IL36B: variants seen among roughly 807,000 people sequenced by gnomAD.
IL36B encodes the protein interleukin 36 beta, also known as interleukin-36 beta.
IL36B carries 23 observed loss-of-function variants against 19.3 expected under a neutral mutation model. The observed-to-expected ratio is 1.19, with a 90% CI of 0.86 to 1.69. The LOEUF (loss-of-function observed/expected upper bound fraction) is 1.69. Among genes scored for constraint, IL36B ranks in the 40% most tolerant of loss-of-function variants. The probability of loss-of-function intolerance (pLI) is 0.00; values close to 1 mark genes in which losing one functional copy is unlikely to be tolerated. For synonymous variants in IL36B, 59 were observed against 59.7 expected, an observed-to-expected ratio of 0.99 and a Z score of 0.05; for missense variants, 217 against 200.5, an observed-to-expected ratio of 1.08 and a Z score of -0.50.
In IL36B at chr2:113,031,630, C is replaced by T. The variant is rs1360850389; in HGVS notation, c.13+67G>A. The T allele has an allele frequency of 4.5e-6, 6 of 1,325,062 alleles. No individual in the cohort carries two copies. The South Asian group carries it at 4.7e-5, about 10-fold the overall frequency. 82.1% of individuals were successfully genotyped at this position (1,325,062 alleles called of 1,614,324 possible). On this transcript the variant is annotated intron_variant, in intron 2 of 5. Transcript: ENST00000259213. ...AGCTTAGCAAATGATAGGGGTCCTT[C>T]CATCCTATTGTCTTTGATGAGGTCA... is the stretch of plus-strand genomic sequence containing the variant.
intron 1 of IL36B, among the ~76,000 whole-genome samples, chr2:113,049,622 A>C (rs1685407584): frequency 6.6e-6 from 1 of 152,212 alleles, no homozygotes; most frequent in Non-Finnish European, 1.5e-5. Flanking sequence ...GATGGTTGCT[A>C]TTAGAAAAAA....
At chr2:113,028,629 GTCTTA>G (rs1345138791) in intron 4 of IL36B, among the ~76,000 whole-genome samples, 1 of 152,216 alleles carries the variant, frequency 6.6e-6, no homozygotes, top group Non-Finnish European at 1.5e-5. Context: ...GCATCCCGTT[GTCTTA>G]GAGGATTTCC....
intron 4 of IL36B, among the ~76,000 whole-genome samples, chr2:113,027,100 G>A (rs541454278): frequency 1.4e-3 from 214 of 152,280 alleles, no homozygotes; most frequent in African/African-American, 4.9e-3. Context: ...GTAGGCTAGA[G>A]GAAAGAAAAT....
At chr2:113,042,360 A>ATATTTG (rs60412262) in intron 1 of IL36B, among the ~76,000 whole-genome samples, 9 of 10,414 alleles carry the variant, frequency 8.6e-4, no homozygotes, top group African/African-American at 6.1e-3. Flanking sequence ...TAAACGGCGC[A>ATATTTG]AAATATACAA....
intron 1 of IL36B, among the ~76,000 whole-genome samples, chr2:113,046,015 T>C (rs1474961260): frequency 6.6e-6 from 1 of 152,188 alleles, no homozygotes. Flanking sequence ...AATTTTACTG[T>C]GTTAGCTGCT....
Position 113,026,148 on chromosome 2 carries a change from C to T in IL36B, c.346G>A (p.Glu116Lys). The change falls in exon 5 of 6, where the codon GAG (glutamate) becomes AAG (lysine). Residue 116 changes from glutamate (E) to lysine (K), a missense_variant. By Grantham distance (56) the Glu-to-Lys change is moderately conservative. Transcript: ENST00000259213. ...TCAAGGGTTCCCATGAAGCAGCTCTCTCTCACATCCAGGTTTATGCATGTG... is the reference window on the plus strand; with the variant it reads ...TCAAGGGTTCCCATGAAGCAGCTCTTTCTCACATCCAGGTTTATGCATGTG... The T allele has an allele frequency of 2.5e-6, 4 of 1,613,954 alleles. No homozygotes were observed. The highest frequency in any genetic ancestry group is 2.5e-6 in the Non-Finnish European group (3 of 1,179,842).
At chr2:113,038,136 A>G (rs1479266624) in intron 1 of IL36B, among the ~76,000 whole-genome samples, 1 of 152,242 alleles carries the variant, frequency 6.6e-6, no homozygotes, top group Non-Finnish European at 1.5e-5. Flanking sequence ...TCCAGAGAAC[A>G]GATTGTACTG....
chr2:113,031,746 G>A lies in IL36B; in HGVS notation c.-37C>T. 1.3e-6 allele frequency: 2 copies of A among 1,564,892 alleles called. No homozygotes were observed. Among genetic ancestry groups the A allele is most frequent in the Non-Finnish European group, 1.8e-6 (2 of 1,137,276 alleles). ...AGCCTTTTGTGAAGAGAACAAGATA[G>A]ATCAGATGGTGGTGAGGAGGCTGTT... On this transcript the variant is annotated 5_prime_UTR_variant, in exon 2 of 6. Transcript: ENST00000259213.
chr2:113,026,596 C>T (rs527708895), intron 4 of IL36B, among the ~76,000 whole-genome samples: 20 of 152,306 alleles, frequency 1.3e-4, no homozygotes, highest in African/African-American at 4.6e-4. Flanking sequence ...TATACATGTA[C>T]TTGGTTAGTG....
intron 1 of IL36B, among the ~76,000 whole-genome samples, chr2:113,049,934 G>A (rs1020976122): frequency 6.6e-6 from 1 of 151,588 alleles, no homozygotes; most frequent in African/African-American, 2.4e-5. Context: ...CAGCCTGGGC[G>A]ACAAGAGTGA....
chr2:113,034,324 G>A (rs117194963), intron 1 of IL36B, among the ~76,000 whole-genome samples: 138 of 152,176 alleles, frequency 9.1e-4, no homozygotes, highest in Middle Eastern at 3.4e-3. Flanking sequence ...CCACTCCCTC[G>A]CTTCTTCCAT....
intron 1 of IL36B, among the ~76,000 whole-genome samples, chr2:113,033,778 T>C (rs922690331): frequency 7.2e-5 from 11 of 152,198 alleles, no homozygotes; most frequent in African/African-American, 2.2e-4. Context: ...AAATCTATAA[T>C]GTGTCCAGGA....
intron 1 of IL36B, among the ~76,000 whole-genome samples, chr2:113,040,488 T>C (rs574489019): frequency 1.1e-4 from 16 of 152,296 alleles, no homozygotes; most frequent in Non-Finnish European, 1.9e-4. Context: ...ATTGTTTATA[T>C]AGAAAATCCT....
intron 1 of IL36B, among the ~76,000 whole-genome samples, chr2:113,043,722 T>G (rs1330849713): frequency 6.6e-6 from 1 of 152,240 alleles, no homozygotes; most frequent in East Asian, 1.9e-4. Context: ...CCCAGCTAAC[T>G]TTTGTATTTT....
At chr2:113,041,081 C>T (rs1206349571) in intron 1 of IL36B, among the ~76,000 whole-genome samples, 1 of 150,194 alleles carries the variant, frequency 6.7e-6, no homozygotes, top group Non-Finnish European at 1.5e-5. Context: ...CTTCAGTCTG[C>T]GGAGGTTGAG....
intron 1 of IL36B, among the ~76,000 whole-genome samples, chr2:113,035,892 G>C (rs1685158845): frequency 6.6e-6 from 1 of 152,120 alleles, no homozygotes; most frequent in Admixed American, 6.5e-5. Context: ...AGGAGAGTAG[G>C]ATTTGGTGGG....
rs765876870 is a variant in IL36B, at chr2:113,029,129, C to T, written c.122-51G>A. 11 of 1,569,090 alleles carry T rather than the reference C, an allele frequency of 7.0e-6. No homozygotes were observed. The South Asian group carries it at 1.2e-4, about 17-fold the overall frequency. On this transcript the variant is annotated intron_variant, in intron 3 of 5. Transcript: ENST00000259213. ...AGATGTTTCAGTCTTTCTGGTCTGA[C>T]ACTCAGTTACTCCCCCCAGGTAGGG... is the stretch of plus-strand genomic sequence containing the variant.
chr2:113,033,655 G>C (rs1685118429), intron 1 of IL36B, among the ~76,000 whole-genome samples: 1 of 152,214 alleles, frequency 6.6e-6, no homozygotes, highest in African/African-American at 2.4e-5. Context: ...AGCCAAGTTA[G>C]AAGCCAAGTC....
At chr2:113,023,012 A>G (rs1322104278) in intron 5 of IL36B, among the ~76,000 whole-genome samples, 2 of 152,210 alleles carry the variant, frequency 1.3e-5, no homozygotes, top group Non-Finnish European at 2.9e-5. Flanking sequence ...AAAAGTCTAG[A>G]TTGAGGCCCC....
Sources: allele counts gnomAD v4.1 joint callset (sites outside exome capture counted in the v4.1 genomes callset), GRCh38; gene constraint gnomAD v4.1.1; transcripts MANE v1.5; gene names NCBI Gene and HGNC (gene_info 2026-07-23, HGNC 2026-07-21).